The following SLC7A9 variants were observed in gnomAD, a reference collection of about 807,000 sequenced individuals.
SLC7A9 encodes the protein B(0,+)-type amino acid transporter 1.
Under a neutral mutation model 54.1 loss-of-function variants are expected in SLC7A9, and 38 were observed. The ratio of observed to expected loss-of-function variants is 0.70; its 90% CI spans 0.54 to 0.92. SLC7A9 has a LOEUF of 0.92. Among genes scored for constraint, SLC7A9 ranks in the 40% least tolerant of loss-of-function variants. SLC7A9 has a pLI of 0.00. For missense variants in SLC7A9, 537 were observed against 636.1 expected (o/e 0.84, Z 1.68); for synonymous variants, 264 against 258.9 (o/e 1.02, Z -0.19).
chr19:32,848,497 T>A (rs1394693667), intron 9 of SLC7A9, among the ~76,000 whole-genome samples: 1 of 152,134 alleles, frequency 6.6e-6, no homozygotes, highest in Non-Finnish European at 1.5e-5. Context: ...CCTAAATATA[T>A]ATGCACCCAA....
intron 11 of SLC7A9, among the ~76,000 whole-genome samples, chr19:32,841,388 T>C (rs1054880216): frequency 6.6e-6 from 1 of 152,094 alleles, no homozygotes; most frequent in African/African-American, 2.4e-5. Flanking sequence ...AGTGGTTGCA[T>C]GCACAGCAAT....
At chr19:32,863,568 C>T (rs1184394988) in intron 4 of SLC7A9, among the ~76,000 whole-genome samples, 2 of 152,054 alleles carry the variant, frequency 1.3e-5, no homozygotes, top group Non-Finnish European at 2.9e-5. Flanking sequence ...ACTGTGTTGA[C>T]CAGGCTGATC....
chr19:32,869,512 AG>A (rs772027654), intron 1 of SLC7A9, among the ~76,000 whole-genome samples, 173 bp downstream of exon 1: 11 of 152,166 alleles, frequency 7.2e-5, no homozygotes, highest in Admixed American at 1.3e-4. Flanking sequence ...ACGCCTGGCC[AG>A]GTACTTTTTC....
chr19:32,836,107 G>A (rs1349001944), intron 11 of SLC7A9, among the ~76,000 whole-genome samples: 1 of 152,258 alleles, frequency 6.6e-6, no homozygotes, highest in Non-Finnish European at 1.5e-5. Flanking sequence ...TAGAGACAGG[G>A]TTTCACCATG....
At chr19:32,831,021 C>T (rs1335408550) in intron 12 of SLC7A9, among the ~76,000 whole-genome samples, 2 of 152,012 alleles carry the variant, frequency 1.3e-5, no homozygotes, top group Non-Finnish European at 2.9e-5. Context: ...CAGGCTGCCG[C>T]AGCCAGAGTT....
intron 12 of SLC7A9, among the ~76,000 whole-genome samples, chr19:32,831,568 A>AT (rs1967795977): frequency 2.0e-5 from 3 of 152,148 alleles, no homozygotes; most frequent in Non-Finnish European, 4.4e-5. Context: ...GATTACAGAC[A>AT]TGAGCCACCG....
At chr19:32,860,242 C>G (rs970365433) in intron 7 of SLC7A9, 20 of 1,413,554 alleles carry the variant, frequency 1.4e-5, no homozygotes, top group Non-Finnish European at 1.8e-5. Context: ...AAACTCTAAG[C>G]GTGCATAGTG....
intron 3 of SLC7A9, 24 bp downstream of exon 3, chr19:32,864,605 C>G: frequency 1.9e-6 from 3 of 1,611,476 alleles, no homozygotes; most frequent in Non-Finnish European, 2.5e-6. Flanking sequence ...TCCGGGGCTG[C>G]AACAGGCTCC....
intron 9 of SLC7A9, among the ~76,000 whole-genome samples, chr19:32,849,122 G>A (rs1396548766): frequency 6.6e-6 from 1 of 151,944 alleles, no homozygotes; most frequent in Non-Finnish European, 1.5e-5. Flanking sequence ...ACAATTAAAA[G>A]AACTAGAAAA....
At chr19:32,860,190 C>T in intron 7 of SLC7A9, 8 of 1,480,966 alleles carry the variant, frequency 5.4e-6, no homozygotes, top group Non-Finnish European at 7.2e-6. Context: ...AGACCAAGCT[C>T]TTCCCTCCCT....
At chr19:32,838,908 TATGA>T (rs764877044) in intron 11 of SLC7A9, among the ~76,000 whole-genome samples, 14 of 151,570 alleles carry the variant, frequency 9.2e-5, no homozygotes, top group Non-Finnish European at 1.6e-4. Context: ...CTTTTAAAGA[TATGA>T]ATTATATTAT....
chr19:32,848,235 G>A (rs1465768787), intron 9 of SLC7A9, among the ~76,000 whole-genome samples: 4 of 152,218 alleles, frequency 2.6e-5, no homozygotes, highest in Admixed American at 2.0e-4. Context: ...AAAAGACACA[G>A]ACTGGCAAAT....
chr19:32,864,323 G>A lies in SLC7A9; in HGVS notation c.251C>T (p.Ala84Val), dbSNP rs148334096. ...CTTGGTGATCATTGTGCCAAGCTCC[G>A]CAAAGCACAGGGCACCTGGAACACA... is the stretch of plus-strand genomic sequence containing the variant. ...VLATLGALCF[A>V]ELGTMITKSG... The change falls in exon 4 of 13, where the codon GCG becomes GTG. Residue 84 changes from alanine to valine, a missense_variant. Ala to Val is a moderately conservative substitution (Grantham distance 64). Coordinates refer to ENST00000023064, the MANE Select transcript of SLC7A9 (RefSeq NM_014270.5). The A allele has an allele frequency of 1.2e-5, 20 of 1,613,852 alleles. No individual in the cohort carries two copies. The highest frequency in any genetic ancestry group is 1.1e-4 in the East Asian group (5 of 44,874).
At chr19:32,833,673 C>T (rs1265338603) in intron 11 of SLC7A9, among the ~76,000 whole-genome samples, 1 of 152,030 alleles carries the variant, frequency 6.6e-6, no homozygotes, top group Non-Finnish European at 1.5e-5. Context: ...TGGCAGGTGC[C>T]TGTAATCCCA....
intron 12 of SLC7A9, 171 bp downstream of exon 12, chr19:32,832,978 G>C: frequency 1.4e-6 from 1 of 699,816 alleles, no homozygotes; most frequent in Non-Finnish European, 2.6e-6. Context: ...AAACAATCAA[G>C]GGTGGACCCA....
At chr19:32,865,923 C>T (rs1283838729) in intron 2 of SLC7A9, among the ~76,000 whole-genome samples, 1 of 140,276 alleles carries the variant, frequency 7.1e-6, no homozygotes, top group Admixed American at 7.5e-5. Context: ...TGAGCCACTA[C>T]AATCACTCCA....
chr19:32,849,611 A>T (rs1968407297), intron 9 of SLC7A9, among the ~76,000 whole-genome samples: 1 of 151,602 alleles, frequency 6.6e-6, no homozygotes, highest in African/African-American at 2.4e-5. Context: ...TACAAGGAGG[A>T]GCTGGTACCA....
intron 9 of SLC7A9, among the ~76,000 whole-genome samples, chr19:32,856,705 C>T (rs1425647650): frequency 6.6e-6 from 1 of 152,108 alleles, no homozygotes; most frequent in African/African-American, 2.4e-5. Context: ...TTCTGGGCTT[C>T]TGGAACTACA....
rs386388892 is a variant in SLC7A9 at position 32,844,857 on chromosome 19, CAAAAAA to C, written c.978-912_978-907del. Among the ~76,000 whole-genome samples the C allele has an allele frequency of 4.3e-4, 13 of 30,310 alleles. 1 individual carries two copies. The highest frequency in any genetic ancestry group is 4.1e-3 in the East Asian group (3 of 734). 19.9% of individuals were successfully genotyped at this position (30,310 alleles called of 152,430 possible). ...TGGACGACAGAGTGAGAATCCATCT[CAAAAAA>C]AAAAAAAAAAAAAAAAAAAAGCCAG... On this transcript the variant is annotated intron_variant, in intron 9 of 12. Coordinates refer to ENST00000023064, the MANE Select transcript of SLC7A9 (RefSeq NM_014270.5).
Sources: gnomAD v4.1 joint callset for allele counts (sites outside exome capture counted in the v4.1 genomes callset) on GRCh38, gnomAD v4.1.1 for gene constraint, MANE v1.5 for transcripts, NCBI Gene and HGNC (gene_info 2026-07-23, HGNC 2026-07-21) for gene names.